The following MYO5A variants were observed in gnomAD, a reference collection of about 807,000 sequenced individuals.
MYO5A encodes the protein myosin VA, also known as unconventional myosin-Va.
A neutral mutation model predicts 249.7 loss-of-function variants in MYO5A; 98 were observed. The observed-to-expected ratio is 0.39, with a 90% CI of 0.33 to 0.46. MYO5A has a LOEUF of 0.46. Among genes scored for constraint, MYO5A ranks in the 20% least tolerant of loss-of-function variants. MYO5A has a pLI of 0.98. For synonymous variants in MYO5A, 778 were observed against 810.6 expected, an observed-to-expected ratio of 0.96 and a Z score of 0.68; for missense variants, 1,696 against 2,308.8, an observed-to-expected ratio of 0.73 and a Z score of 5.44.
chr15:52,316,346 C>G (rs1252405332), intron 40 of MYO5A, among the ~76,000 whole-genome samples: 4 of 151,760 alleles, frequency 2.6e-5, no homozygotes, highest in Middle Eastern at 3.4e-3. Flanking sequence ...CATGCTGTCA[C>G]TATAATCCTC....
chr15:52,337,247 C>T (rs1233190707), intron 33 of MYO5A, among the ~76,000 whole-genome samples: 1 of 152,000 alleles, frequency 6.6e-6, no homozygotes, highest in Non-Finnish European at 1.5e-5. Flanking sequence ...AAAAGCAGTA[C>T]ACTTAAGGAG....
intron 1 of MYO5A, among the ~76,000 whole-genome samples, chr15:52,439,556 A>G (rs1056721199): frequency 6.6e-6 from 1 of 152,146 alleles, no homozygotes; most frequent in African/African-American, 2.4e-5. Context: ...ATATATGTTG[A>G]TTTTATTTAA....
chr15:52,446,899 T>C (rs1427823357), intron 1 of MYO5A, among the ~76,000 whole-genome samples: 5 of 152,224 alleles, frequency 3.3e-5, no homozygotes, highest in South Asian at 2.1e-4. Flanking sequence ...GAAATGTCCA[T>C]ACCCCACGGT....
At chr15:52,416,440 T>G in intron 4 of MYO5A, 139 bp from the exon 5 acceptor site, 1 of 818,400 alleles carries the variant, frequency 1.2e-6, no homozygotes, top group Non-Finnish European at 2.0e-6. Flanking sequence ...AACACCAAGG[T>G]CTCAGGTTCA....
At chr15:52,451,335 C>A (rs2076016720) in intron 1 of MYO5A, among the ~76,000 whole-genome samples, 1 of 152,126 alleles carries the variant, frequency 6.6e-6, no homozygotes, top group Non-Finnish European at 1.5e-5. Context: ...CAGCCACCAC[C>A]AAATCCTAGC....
At chr15:52,363,630 C>T (rs530700461) in intron 24 of MYO5A, among the ~76,000 whole-genome samples, 2 of 152,158 alleles carry the variant, frequency 1.3e-5, no homozygotes, top group Non-Finnish European at 2.9e-5. Flanking sequence ...TCCACAGATA[C>T]TGAATTATCT....
intron 23 of MYO5A, among the ~76,000 whole-genome samples, chr15:52,366,589 C>T (rs1371869319): frequency 3.2e-5 from 3 of 92,920 alleles, no homozygotes; most frequent in Non-Finnish European, 6.4e-5. Flanking sequence ...TTTAGACTAG[C>T]AAAGAGTGGT....
At chr15:52,492,762 T>C (rs1372988836) in intron 1 of MYO5A, among the ~76,000 whole-genome samples, 1 of 152,120 alleles carries the variant, frequency 6.6e-6, no homozygotes, top group Non-Finnish European at 1.5e-5. Context: ...TGCTTCAAAA[T>C]AACATGGAAA....
intron 1 of MYO5A, among the ~76,000 whole-genome samples, chr15:52,440,067 G>A (rs1201257132): frequency 6.6e-6 from 1 of 152,218 alleles, no homozygotes; most frequent in Non-Finnish European, 1.5e-5. Context: ...AATGAGGCCT[G>A]CCTGGCAGCA....
intron 31 of MYO5A, 32 bp downstream of exon 31, chr15:52,343,085 A>G (rs1334237273): frequency 1.3e-6 from 2 of 1,563,300 alleles, no homozygotes; most frequent in African/African-American, 2.7e-5. Flanking sequence ...CAACAAATTA[A>G]TAACATTCCA....
intron 1 of MYO5A, among the ~76,000 whole-genome samples, chr15:52,467,277 G>A (rs1468316962): frequency 6.6e-6 from 1 of 152,104 alleles, no homozygotes; most frequent in East Asian, 1.9e-4. Context: ...CTAATATAAA[G>A]AAAATCAGAA....
intron 5 of MYO5A, among the ~76,000 whole-genome samples, chr15:52,413,972 C>T (rs2043361533): frequency 1.3e-5 from 2 of 152,086 alleles, no homozygotes; most frequent in Admixed American, 1.3e-4. Context: ...TAACGTGTCC[C>T]CACCAAAATT....
intron 3 of MYO5A, among the ~76,000 whole-genome samples, chr15:52,426,333 T>C (rs72623981): frequency 0.16 from 22,972 of 142,020 alleles, 1,833 homozygotes; most frequent in Middle Eastern, 0.23. Context: ...TTTTTTTTTT[T>C]CACAAAGATG....
chr15:52,363,960 C>T (rs535577899), intron 24 of MYO5A, among the ~76,000 whole-genome samples: 2 of 152,218 alleles, frequency 1.3e-5, no homozygotes, highest in African/African-American at 2.4e-5. Context: ...TCCAACTGGC[C>T]GGGCGCAATG....
At chr15:52,333,851 C>T (rs2038996917) in intron 34 of MYO5A, among the ~76,000 whole-genome samples, 2 of 152,138 alleles carry the variant, frequency 1.3e-5, no homozygotes, top group Admixed American at 1.3e-4. Context: ...TAGAAGGTGC[C>T]TGTATTTTCT....
intron 1 of MYO5A, among the ~76,000 whole-genome samples, chr15:52,509,432 T>A (rs894186053): frequency 2.6e-5 from 4 of 152,184 alleles, no homozygotes; most frequent in Non-Finnish European, 5.9e-5. Flanking sequence ...CTTTAACTAT[T>A]TGGAAGAAAA....
In MYO5A at chr15:52,375,396, C is replaced by A. The variant is rs1198062304; in HGVS notation, c.2485G>T (p.Val829Leu). 6.2e-7 allele frequency: 1 copy of A among 1,614,060 alleles called. No individual in the cohort carries two copies. Among genetic ancestry groups the A allele is most frequent in the Non-Finnish European group, 8.5e-7 (1 of 1,180,026 alleles). The change falls in exon 20 of 42, where the codon GTG becomes TTG. Residue 829 changes from valine to leucine, a missense_variant. Transcript: ENST00000399233. The part of the protein sequence containing the change: ...TIIQKYWRMY[V>L]VRRRYKIRRA... ...CTAATCTTGTACCTCCTGCGGACCA[C>A]ATACATGCGCCAGTACTTTTGAATG...
At position 52,408,100 on chromosome 15, in the gene MYO5A, C is replaced by G; in HGVS notation, c.797G>C (p.Cys266Ser). Reference protein sequence around the residue: ...ERNYHIFYQLCASAKLPEFKM... With the variant: ...ERNYHIFYQLSASAKLPEFKM... ...AAATTCAGGTAACTTTGCTGAGGCACAAAGCTGATAGAAGATATGATAGTT... is the reference window on the plus strand; with the variant it reads ...AAATTCAGGTAACTTTGCTGAGGCAGAAAGCTGATAGAAGATATGATAGTT... Residue 266 changes from cysteine to serine, a missense_variant, in exon 7 of 42, where the codon TGT (cysteine) becomes TCT (serine). Cys to Ser is a moderately radical substitution (Grantham distance 112). This residue lies in a region of MYO5A where 185 missense variants were observed against 204.8 expected (regional missense o/e 0.90). Transcript: ENST00000399233. 6.2e-7 allele frequency: 1 copy of G among 1,608,312 alleles called. No individual in the cohort carries two copies. The highest frequency in any genetic ancestry group is 8.5e-7 in the Non-Finnish European group (1 of 1,175,394).
At chr15:52,405,540 T>A in intron 8 of MYO5A, 147 bp from the exon 9 acceptor site, 1 of 709,888 alleles carries the variant, frequency 1.4e-6, no homozygotes, top group South Asian at 1.5e-5. Flanking sequence ...AACACTTTCA[T>A]CTTTGTTGAC....
Sources: gnomAD v4.1 joint callset for allele counts (sites outside exome capture counted in the v4.1 genomes callset) on GRCh38, gnomAD v4.1.1 for gene constraint, gnomAD v4.1.1 regional missense constraint, MANE v1.5 for transcripts, NCBI Gene and HGNC (gene_info 2026-07-23, HGNC 2026-07-21) for gene names.